The following FAT3 variants were observed in gnomAD, a reference collection of about 807,000 sequenced individuals.
FAT3 encodes protocadherin Fat 3.
In FAT3, 95 loss-of-function variants were observed where a neutral mutation model predicts 310.2. That is an observed-to-expected ratio of 0.31 (90% CI 0.26 to 0.36). The LOEUF is 0.36. Ranked by LOEUF, FAT3 falls within the 10% of genes least tolerant of loss-of-function variation. The pLI, the probability that FAT3 is intolerant of heterozygous loss-of-function variation, is 1.00. For synonymous variants in FAT3, 2,314 were observed against 2,192.9 expected (o/e 1.06, Z -1.54); for missense variants, 5,408 against 5,715.6 (o/e 0.95, Z 1.74).
chr11:92,750,634 TTCTCTCTCTCTC>T (rs10558123), intron 4 of FAT3, among the ~76,000 whole-genome samples: 2 of 149,554 alleles, frequency 1.3e-5, no homozygotes, highest in African/African-American at 2.5e-5. Flanking sequence ...GATTTGGCTG[TTCTCTCTCTCTC>T]TCTCTCTCTC....
intron 1 of FAT3, among the ~76,000 whole-genome samples, chr11:92,249,627 G>A (rs955004226): frequency 1.3e-5 from 2 of 152,108 alleles, no homozygotes; most frequent in South Asian, 2.1e-4. Context: ...ACTGATACTC[G>A]TATCACAGTA....
At chr11:92,672,677 G>A (rs1943167604) in intron 3 of FAT3, among the ~76,000 whole-genome samples, 1 of 152,152 alleles carries the variant, frequency 6.6e-6, no homozygotes, top group Admixed American at 6.5e-5. Flanking sequence ...TGACCATGAT[G>A]GAACATGAAC....
Position 92,774,060 on chromosome 11 carries a change from T to A in FAT3, c.4215T>A (p.Ala1405=). 6 of 1,613,034 alleles carry A rather than the reference T, an allele frequency of 3.7e-6. No homozygotes were observed. Among genetic ancestry groups the A allele is most frequent in the Non-Finnish European group, 5.1e-6 (6 of 1,179,520 alleles). The change falls in exon 7 of 28, where the codon GCT becomes GCA. Residue 1405 remains alanine (A), a synonymous_variant. Transcript: ENST00000525166. Reference sequence around the variant, plus strand: ...CATCAGGGGGGAATTTTGACAGCGCTTTTGATGCAGAGAAGGGTGTTGGGA... The same window carrying A: ...CATCAGGGGGGAATTTTGACAGCGCATTTGATGCAGAGAAGGGTGTTGGGA... The part of the protein sequence containing the change: ...FDIVGGNFDS[A]FDAEKGVGTI...
chr11:92,389,402 C>T (rs1192644819), intron 2 of FAT3, among the ~76,000 whole-genome samples: 2 of 152,108 alleles, frequency 1.3e-5, no homozygotes, highest in African/African-American at 4.8e-5. Flanking sequence ...TTCATAAACA[C>T]CTTGACTTGA....
At chr11:92,455,074 G>A (rs577069756) in intron 2 of FAT3, among the ~76,000 whole-genome samples, 36 of 152,192 alleles carry the variant, frequency 2.4e-4, no homozygotes, top group African/African-American at 7.7e-4. Flanking sequence ...AGGATCAACC[G>A]AGATTGAGAA....
rs1327153839 is a variant in FAT3 at position 92,800,606 on chromosome 11, C to G, written c.7593C>G (p.Ile2531Met). 1 of 1,613,734 alleles carries G rather than the reference C, an allele frequency of 6.2e-7. No homozygotes were observed. The highest frequency in any genetic ancestry group is 2.2e-5 in the East Asian group (1 of 44,816). The change falls in exon 10 of 28, where the codon ATC (isoleucine) becomes ATG (methionine). Residue 2531 changes from isoleucine to methionine, a missense_variant. Physicochemically the swap from Ile to Met is conservative, Grantham distance 10. Around this residue, in one of 5 missense-constraint regions of FAT3, gnomAD observed 4,588 missense variants for 4,809.8 expected, o/e 0.95. Coordinates refer to ENST00000525166, the MANE Select transcript of FAT3 (RefSeq NM_001367949.2). Reference protein sequence around the residue: ...TDGDPGTYGQISYAIINDFAK... With the variant: ...TDGDPGTYGQMSYAIINDFAK... Reference sequence around the variant, plus strand: ...GTGATCCAGGGACTTATGGGCAGATCAGCTATGCCATCATCAATGACTTTG... The same window carrying G: ...GTGATCCAGGGACTTATGGGCAGATGAGCTATGCCATCATCAATGACTTTG...
At chr11:92,344,529 A>G (rs1948357949) in intron 1 of FAT3, among the ~76,000 whole-genome samples, 1 of 152,232 alleles carries the variant, frequency 6.6e-6, no homozygotes, top group Non-Finnish European at 1.5e-5. Flanking sequence ...TATGCTGGAA[A>G]GAAACTGTAC....
rs1374957024 is a variant in FAT3, at chr11:92,390,581, T to G, written c.3292+35177T>G. Reference sequence around the variant, plus strand: ...CCATAGTCCTCCCAGTGCCCCAAGATTGTGCTGAGCTTTGACGTGAACCAC... The same window carrying G: ...CCATAGTCCTCCCAGTGCCCCAAGAGTGTGCTGAGCTTTGACGTGAACCAC... On this transcript the variant is annotated intron_variant, in intron 2 of 27. Coordinates refer to ENST00000525166, the MANE Select transcript of FAT3 (RefSeq NM_001367949.2). 2.0e-5 allele frequency among the ~76,000 whole-genome samples: 3 copies of G among 152,246 alleles called. No homozygotes were observed. In the East Asian group the frequency reaches 5.8e-4, roughly 29 times the overall value.
intron 2 of FAT3, among the ~76,000 whole-genome samples, chr11:92,486,923 A>G (rs2135218262): frequency 6.6e-6 from 1 of 152,322 alleles, no homozygotes; most frequent in African/African-American, 2.4e-5. Context: ...ATTAAATGGA[A>G]AGCTTTTCTC....
intron 3 of FAT3, among the ~76,000 whole-genome samples, chr11:92,561,953 A>G (rs996452656): frequency 6.6e-6 from 1 of 152,146 alleles, no homozygotes; most frequent in South Asian, 2.1e-4. Flanking sequence ...TAAACAATAA[A>G]TAAGAACGTC....
chr11:92,439,723 C>A (rs1478899250), intron 2 of FAT3, among the ~76,000 whole-genome samples: 2 of 152,024 alleles, frequency 1.3e-5, no homozygotes, highest in Non-Finnish European at 2.9e-5. Context: ...TGAGACCAAC[C>A]TGGGCAATAT....
intron 3 of FAT3, among the ~76,000 whole-genome samples, chr11:92,652,361 C>G (rs1407904224): frequency 6.6e-6 from 1 of 152,176 alleles, no homozygotes; most frequent in African/African-American, 2.4e-5. Context: ...ATTCAAATAA[C>G]ATAATTTTAA....
intron 15 of FAT3, 74 bp from the exon 16 acceptor site, chr11:92,836,492 A>G: frequency 6.4e-7 from 1 of 1,563,030 alleles, no homozygotes; most frequent in Non-Finnish European, 8.7e-7. Flanking sequence ...ATTTAAACAG[A>G]CCTGGGACCC....
At chr11:92,336,229 C>A in intron 1 of FAT3, 1 of 567,020 alleles carries the variant, frequency 1.8e-6, no homozygotes, top group Non-Finnish European at 3.5e-6. Context: ...AAGAAGAAGA[C>A]AACTCACATG....
At chr11:92,438,714 G>A (rs1951002886) in intron 2 of FAT3, among the ~76,000 whole-genome samples, 1 of 152,188 alleles carries the variant, frequency 6.6e-6, no homozygotes, top group Non-Finnish European at 1.5e-5. Flanking sequence ...GGTCAGGACA[G>A]TTGCAATAGA....
chr11:92,817,231 A>T (rs181541720), intron 13 of FAT3, among the ~76,000 whole-genome samples: 56 of 152,242 alleles, frequency 3.7e-4, no homozygotes, highest in Non-Finnish European at 6.3e-4. Context: ...GTCAGTAAGA[A>T]ATGAAGAAGA....
At position 92,838,963 on chromosome 11, in the gene FAT3, A is replaced by T. The variant is rs530768556; in HGVS notation, c.10368+1157A>T. On this transcript the variant is annotated intron_variant, in intron 17 of 27. Transcript: ENST00000525166. ...TTTCCAGCAGCTCTGCATTCTCACCACACTCCTGCTTCCCCAGAGCTTCGC... is the reference window on the plus strand; with the variant it reads ...TTTCCAGCAGCTCTGCATTCTCACCTCACTCCTGCTTCCCCAGAGCTTCGC... Among the ~76,000 whole-genome samples, 16 of 152,096 alleles carry T rather than the reference A, an allele frequency of 1.1e-4. No homozygotes were observed. The East Asian group carries it at 3.1e-3, about 29-fold the overall frequency.
At chr11:92,595,187 G>C (rs1302805481) in intron 3 of FAT3, among the ~76,000 whole-genome samples, 2 of 152,098 alleles carry the variant, frequency 1.3e-5, no homozygotes, top group African/African-American at 4.8e-5. Context: ...CCTCTCAGCT[G>C]AATCTGACTT....
At chr11:92,338,313 A>G (rs577638842) in intron 1 of FAT3, among the ~76,000 whole-genome samples, 2 of 152,232 alleles carry the variant, frequency 1.3e-5, no homozygotes, top group South Asian at 4.2e-4. Context: ...AAAACTATCT[A>G]CTTACCTACA....
Sources: allele counts gnomAD v4.1 joint callset (sites outside exome capture counted in the v4.1 genomes callset), GRCh38; gene constraint gnomAD v4.1.1; regional missense constraint gnomAD v4.1.1; transcripts MANE v1.5; gene names NCBI Gene and HGNC (gene_info 2026-07-23, HGNC 2026-07-21).